The following HDAC7 variants were observed in gnomAD, a reference collection of about 807,000 sequenced individuals.
HDAC7 encodes histone deacetylase 7.
Under a neutral mutation model 115.5 loss-of-function variants are expected in HDAC7, and 26 were observed. The ratio of observed to expected loss-of-function variants is 0.23; its 90% CI spans 0.16 to 0.31. The LOEUF is 0.31. Among genes scored for constraint, HDAC7 ranks in the 10% least tolerant of loss-of-function variants. The pLI is 1.00. For synonymous variants in HDAC7, 564 were observed against 550.9 expected (o/e 1.02, Z -0.33); for missense variants, 1,068 against 1,329.0 (o/e 0.80, Z 3.05).
At chr12:47,788,262 A>G in intron 19 of HDAC7, 98 bp from the exon 20 acceptor site, 5 of 1,429,730 alleles carry the variant, frequency 3.5e-6, no homozygotes, top group Non-Finnish European at 4.7e-6. Context: ...TGAGGTCAGG[A>G]CCCTAGACTG....
intron 19 of HDAC7, 65 bp downstream of exon 19, chr12:47,789,196 A>AGGCTT: frequency 8.1e-7 from 1 of 1,231,788 alleles, no homozygotes; most frequent in Non-Finnish European, 1.2e-6. Flanking sequence ...CGCATCTCTA[A>AGGCTT]CATCAGGCTC....
Position 47,795,340 on chromosome 12 carries a change from G to A in HDAC7, c.1128C>T (p.Ser376=). 1.9e-6 allele frequency: 3 copies of A among 1,611,846 alleles called. No individual in the cohort carries two copies. The South Asian group carries it at 3.3e-5, about 18-fold the overall frequency. ...CAGAGAGCCGCTCGGTGGTCATTAA[G>A]GACTGGGCAAAGTGGAAGGGCAAGG... ...LGPLPFHFAQ[S]LMTTERLSGS... The change falls in exon 11 of 26, where the codon TCC becomes TCT. Residue 376 remains serine (S), a synonymous_variant. Transcript: ENST00000080059. This position sits in a 1 kb window ranked among gnomAD's most constrained non-coding sequence, Gnocchi z 4.3.
chr12:47,795,474 C>T lies in HDAC7; in HGVS notation c.1088-94G>A. 2 of 1,371,336 alleles carry T rather than the reference C, an allele frequency of 1.5e-6. No homozygotes were observed. The highest frequency in any genetic ancestry group is 2.0e-6 in the Non-Finnish European group (2 of 991,442). The allele number at this position is 1,371,336 out of a possible 1,614,324, so 84.9% of individuals were successfully genotyped here. A position where few individuals can be genotyped will look rare whatever the true frequency, so the allele number is the denominator to read the frequency against. ...GGTGGGGGGCCAGGGTGCAGCAGGG[C>T]AATGCGCAGGACAGGGGGACAGAGA... On this transcript the variant is annotated intron_variant, in intron 10 of 25. Coordinates refer to ENST00000080059, the MANE Select transcript of HDAC7 (RefSeq NM_015401.5). The surrounding 1 kb of genome is among the most constrained non-coding windows in gnomAD (Gnocchi z 4.3).
intron 25 of HDAC7, 63 bp from the exon 26 acceptor site, chr12:47,783,949 G>T (rs921598196): frequency 1.9e-6 from 3 of 1,608,146 alleles, no homozygotes; most frequent in Non-Finnish European, 1.7e-6. Context: ...CCTTAGCTAA[G>T]CTTCCTCTCA....
chr12:47,796,115 C>A, intron 8 of HDAC7, 92 bp downstream of exon 8: 3 of 1,513,452 alleles, frequency 2.0e-6, no homozygotes, highest in Non-Finnish European at 2.7e-6. Flanking sequence ...GCTGCCCAGA[C>A]CCTGCAGCCC....
chr12:47,789,373 A>T (rs532714221), intron 18 of HDAC7, 25 bp from the exon 19 acceptor site: 3 of 1,604,656 alleles, frequency 1.9e-6, no homozygotes, highest in African/African-American at 2.7e-5. Context: ...AGGTCCTGCC[A>T]GCCCATTCTC....
chr12:47,799,282 G>C (rs1046982287), intron 2 of HDAC7: 1 of 344,442 alleles, frequency 2.9e-6, no homozygotes, highest in Non-Finnish European at 5.2e-6. Flanking sequence ...CGGGGGCTGA[G>C]GGCTACAGTG....
At chr12:47,785,015 G>A in intron 24 of HDAC7, 1 of 579,722 alleles carries the variant, frequency 1.7e-6, no homozygotes, top group East Asian at 2.9e-5. Flanking sequence ...CCCCAAGCCA[G>A]CAGAGCTCCT....
rs775102880 is a variant in HDAC7 at position 47,791,557 on chromosome 12, A to G, written c.1933+29T>C. The G allele has an allele frequency of 2.1e-5, 33 of 1,589,332 alleles. No individual in the cohort carries two copies. The South Asian group carries it at 3.3e-4, about 16-fold the overall frequency. On this transcript the variant is annotated intron_variant, in intron 15 of 25. Transcript: ENST00000080059. ...TGGGAGCTGGGTGAGGTAAGCTGGC[A>G]TGGGGAGACAGGGCCACTAGGCCAT...
rs545353955 is a variant in HDAC7 at position 47,789,645 on chromosome 12, C to T, written c.2092-67G>A. The stretch of plus-strand genomic sequence containing the variant: ...GACCCACAGCTGCATGAACGTACCC[C>T]AAGAGTTCCAATCTCAACCTGGTTC... On this transcript the variant is annotated intron_variant, in intron 17 of 25. Transcript: ENST00000080059. The T allele has an allele frequency of 1.2e-5, 19 of 1,551,176 alleles. No individual in the cohort carries two copies. In the African/African-American group the frequency reaches 2.6e-4, roughly 21 times the overall value.
chr12:47,784,687 G>C, intron 24 of HDAC7: 1 of 1,531,096 alleles, frequency 6.5e-7, no homozygotes, highest in Non-Finnish European at 8.7e-7. Flanking sequence ...CAACATGGGA[G>C]AACTGACCAT....
At chr12:47,800,595 G>C (rs753615635) in intron 2 of HDAC7, among the ~76,000 whole-genome samples, 4 of 152,152 alleles carry the variant, frequency 2.6e-5, no homozygotes, top group Admixed American at 6.6e-5. Context: ...ATTCTCATTC[G>C]GGTTGAGTCT....
chr12:47,801,805 A>T lies in HDAC7; in HGVS notation c.70+419T>A, dbSNP rs904524772. On this transcript the variant is annotated intron_variant, in intron 2 of 25. Coordinates refer to ENST00000080059, the MANE Select transcript of HDAC7 (RefSeq NM_015401.5). ...GAGGAGGCGCAGACAGTGAGAGAAC[A>T]CTTCCCCTCCAGCAGAGCAGTCCTG... is the stretch of plus-strand genomic sequence containing the variant. Among the ~76,000 whole-genome samples, 2 of 152,106 alleles carry T rather than the reference A, an allele frequency of 1.3e-5. 1 individual carries two copies. Among genetic ancestry groups the T allele is most frequent in the South Asian group, 4.1e-4 (2 of 4,832 alleles).
Position 47,798,630 on chromosome 12 carries a change from G to A in HDAC7, c.281C>T (p.Pro94Leu), listed in dbSNP as rs1482524013. Residue 94 changes from proline (P) to leucine (L), a missense_variant, in exon 4 of 26, where the codon CCC becomes CTC. By Grantham distance (98) the Pro-to-Leu change is moderately conservative. Around this residue, in one of 6 missense-constraint regions of HDAC7, gnomAD observed 161 missense variants for 158.5 expected, o/e 1.02. Coordinates refer to ENST00000080059, the MANE Select transcript of HDAC7 (RefSeq NM_015401.5). The surrounding 1 kb of genome is among the most constrained non-coding windows in gnomAD (Gnocchi z 4.3). ...PMRLSMDTPM[P>L]ELQVGPQEQE... ...TTCCTGGGGTCCCACCTGCAACTCG[G>A]GCATCGGCGTGTCCATGGAGAGCTG... 2 of 1,613,824 alleles carry A rather than the reference G, an allele frequency of 1.2e-6. No homozygotes were observed. The highest frequency in any genetic ancestry group is 1.7e-6 in the Non-Finnish European group (2 of 1,179,840).
rs762852986 is a variant in HDAC7, at chr12:47,802,275, C to T, written c.20-1G>A. On this transcript the variant is annotated splice_acceptor_variant, in intron 1 of 25. Transcript: ENST00000080059. LOFTEE classifies it high-confidence loss of function. Reference sequence around the variant, plus strand: ...GCACCCGGGCTCACCTGGGTCCCATCTGTAGAGAGAGAGACGGAGTGAAAG... The same window carrying T: ...GCACCCGGGCTCACCTGGGTCCCATTTGTAGAGAGAGAGACGGAGTGAAAG... 3 of 1,613,970 alleles carry T rather than the reference C, an allele frequency of 1.9e-6. No homozygotes were observed.
chr12:47,783,512 C>T lies in HDAC7; in HGVS notation c.*329G>A. Reference sequence around the variant, plus strand: ...CAGGAATAGTGGTTAAGGGTGAGCCCGACGGAGCCGGAGCCAGTCCTCCTC... The same window carrying T: ...CAGGAATAGTGGTTAAGGGTGAGCCTGACGGAGCCGGAGCCAGTCCTCCTC... On this transcript the variant is annotated 3_prime_UTR_variant, in exon 26 of 26. Coordinates refer to ENST00000080059, the MANE Select transcript of HDAC7 (RefSeq NM_015401.5). 2.8e-6 allele frequency: 1 copy of T among 363,454 alleles called. No homozygotes were observed. Among genetic ancestry groups the T allele is most frequent in the Non-Finnish European group, 5.2e-6 (1 of 190,504 alleles). The allele number at this position is 363,454 out of a possible 1,614,324, so 22.5% of individuals were successfully genotyped here.
intron 1 of HDAC7, among the ~76,000 whole-genome samples, chr12:47,816,905 C>A (rs1944865545): frequency 6.6e-6 from 1 of 152,232 alleles, no homozygotes; most frequent in South Asian, 2.1e-4. Flanking sequence ...CTTCCCCCAG[C>A]CCGCGAGTCC....
At chr12:47,806,620 C>T (rs980213123) in intron 1 of HDAC7, among the ~76,000 whole-genome samples, 3 of 152,038 alleles carry the variant, frequency 2.0e-5, no homozygotes, top group Non-Finnish European at 4.4e-5. Flanking sequence ...ACCCAGGAGG[C>T]GGAGGCTGCA....
intron 1 of HDAC7, among the ~76,000 whole-genome samples, chr12:47,812,440 G>A (rs1396937111): frequency 6.6e-6 from 1 of 152,174 alleles, no homozygotes; most frequent in African/African-American, 2.4e-5. Context: ...AGTGAGCCCT[G>A]ACTTCATACC....
Sources: allele counts gnomAD v4.1 joint callset (sites outside exome capture counted in the v4.1 genomes callset), GRCh38; gene constraint gnomAD v4.1.1; regional missense constraint gnomAD v4.1.1; non-coding constraint Gnocchi (gnomAD v3.1); transcripts MANE v1.5; gene names NCBI Gene and HGNC (gene_info 2026-07-23, HGNC 2026-07-21).